Variants in KIAA1328 observed in about 807,000 individuals in gnomAD.
The protein encoded by KIAA1328 is protein hinderin.
KIAA1328 carries 52 observed loss-of-function variants against 68.1 expected under a neutral mutation model. The observed-to-expected ratio is 0.76, with a 90% CI of 0.61 to 0.96. KIAA1328 has a LOEUF of 0.96. Ranked by LOEUF, KIAA1328 falls within the 40% of genes least tolerant of loss-of-function variation. KIAA1328 has a pLI of 0.00. For synonymous variants in KIAA1328, 232 were observed against 239.4 expected (o/e 0.97, Z 0.28); for missense variants, 641 against 677.6 (o/e 0.95, Z 0.60).
intron 6 of KIAA1328, among the ~76,000 whole-genome samples, chr18:37,029,079 T>C (rs1204073460): frequency 6.6e-6 from 1 of 152,152 alleles, no homozygotes; most frequent in Non-Finnish European, 1.5e-5. Flanking sequence ...TTTGGAATAG[T>C]TTCAGTAGGA....
intron 6 of KIAA1328, 77 bp from the exon 7 acceptor site, chr18:37,066,812 CT>C: frequency 7.6e-7 from 1 of 1,318,500 alleles, no homozygotes; most frequent in Non-Finnish European, 1.0e-6. Context: ...ATATATATCA[CT>C]GATTTCTGAA....
intron 7 of KIAA1328, among the ~76,000 whole-genome samples, chr18:37,072,631 G>A (rs1444848593): frequency 6.6e-6 from 1 of 151,928 alleles, no homozygotes; most frequent in African/African-American, 2.4e-5. Flanking sequence ...ACAATCTTTT[G>A]TTATGGCTCC....
At chr18:37,017,283 A>G (rs1425592549) in intron 6 of KIAA1328, among the ~76,000 whole-genome samples, 5 of 151,972 alleles carry the variant, frequency 3.3e-5, no homozygotes, top group African/African-American at 4.8e-5. Flanking sequence ...AGGTCTTCTG[A>G]TATTATAATA....
chr18:36,931,914 C>T (rs756896265), intron 5 of KIAA1328, among the ~76,000 whole-genome samples: 15 of 151,706 alleles, frequency 9.9e-5, no homozygotes, highest in South Asian at 6.2e-4. Flanking sequence ...AATGATTTTG[C>T]GCATAGAATT....
chr18:37,007,003 A>T (rs990565255), intron 6 of KIAA1328, among the ~76,000 whole-genome samples: 17 of 152,216 alleles, frequency 1.1e-4, no homozygotes, highest in African/African-American at 4.1e-4. Context: ...CATATCATTT[A>T]CTTCATTTAT....
At chr18:37,216,979 G>GTTTTTT (rs1480974787) in intron 9 of KIAA1328, among the ~76,000 whole-genome samples, 5 of 71,052 alleles carry the variant, frequency 7.0e-5, no homozygotes, top group Admixed American at 1.6e-4. Context: ...CTTTTTTTTT[G>GTTTTTT]TTTTTTTTTT....
chr18:37,172,383 T>C (rs2059517543), intron 8 of KIAA1328, among the ~76,000 whole-genome samples: 1 of 152,226 alleles, frequency 6.6e-6, no homozygotes, highest in African/African-American at 2.4e-5. Context: ...AATTACAAAC[T>C]AAACATTGCT....
chr18:36,843,258 T>C (rs567339603), intron 3 of KIAA1328, among the ~76,000 whole-genome samples: 110 of 152,274 alleles, frequency 7.2e-4, no homozygotes, highest in African/African-American at 2.6e-3. Flanking sequence ...CTTATTTTAT[T>C]ATCATCTTCT....
intron 9 of KIAA1328, among the ~76,000 whole-genome samples, chr18:37,190,474 A>C (rs1379878179): frequency 6.6e-6 from 1 of 152,196 alleles, no homozygotes; most frequent in Admixed American, 6.5e-5. Context: ...CTTTCTGGTT[A>C]GGAGTAATGC....
At chr18:37,167,710 G>C (rs2059418931) in intron 8 of KIAA1328, among the ~76,000 whole-genome samples, 1 of 152,078 alleles carries the variant, frequency 6.6e-6, no homozygotes, top group Non-Finnish European at 1.5e-5. Context: ...GGGTCTCGGG[G>C]TTTTTATGGG....
chr18:37,035,900 T>C (rs909049448), intron 6 of KIAA1328, among the ~76,000 whole-genome samples: 4 of 152,228 alleles, frequency 2.6e-5, no homozygotes, highest in African/African-American at 7.2e-5. Context: ...TACTCTTTTT[T>C]TCTCTCTCTC....
At chr18:37,128,343 G>T (rs924009495) in intron 7 of KIAA1328, among the ~76,000 whole-genome samples, 5 of 152,024 alleles carry the variant, frequency 3.3e-5, no homozygotes, top group African/African-American at 7.2e-5. Context: ...GTGTGGTGGT[G>T]CACACCTGTA....
chr18:36,906,010 G>T (rs557274176), intron 5 of KIAA1328, among the ~76,000 whole-genome samples: 1 of 152,180 alleles, frequency 6.6e-6, no homozygotes, highest in Admixed American at 6.5e-5. Flanking sequence ...ATATTTACAT[G>T]GGAAACAACT....
chr18:36,968,404 AAAT>A (rs2052032224), intron 6 of KIAA1328, among the ~76,000 whole-genome samples: 1 of 152,182 alleles, frequency 6.6e-6, no homozygotes, highest in Non-Finnish European at 1.5e-5. Flanking sequence ...CGTAGGCTAA[AAAT>A]AAAGGGATGG....
At position 36,844,342 on chromosome 18, in the gene KIAA1328, A is replaced by G. The variant is rs766777762; in HGVS notation, c.332+40A>G. The G allele has an allele frequency of 2.3e-6, 3 of 1,320,492 alleles. No individual in the cohort carries two copies. The South Asian group carries it at 4.2e-5, about 18-fold the overall frequency. The allele number at this position is 1,320,492 out of a possible 1,614,324, so 81.8% of individuals were successfully genotyped here. ...TATATGAAATGATTTATTATACAAA[A>G]GACAACTCTTATTGAAAACAGAAAA... is the stretch of plus-strand genomic sequence containing the variant. On this transcript the variant is annotated intron_variant, in intron 4 of 9. Coordinates refer to ENST00000280020, the MANE Select transcript of KIAA1328 (RefSeq NM_020776.3).
chr18:37,220,787 C>T (rs2060543987), intron 9 of KIAA1328, among the ~76,000 whole-genome samples: 2 of 152,128 alleles, frequency 1.3e-5, no homozygotes, highest in Admixed American at 6.5e-5. Context: ...CCCCTTAGGG[C>T]CCTATGTGGT....
At chr18:37,009,867 G>A (rs2053911977) in intron 6 of KIAA1328, among the ~76,000 whole-genome samples, 1 of 152,120 alleles carries the variant, frequency 6.6e-6, no homozygotes, top group Admixed American at 6.6e-5. Context: ...GAAAATACCT[G>A]TACCTAATTT....
chr18:37,186,801 T>C (rs1404005875), intron 9 of KIAA1328, among the ~76,000 whole-genome samples: 1 of 152,180 alleles, frequency 6.6e-6, no homozygotes, highest in East Asian at 1.9e-4. Context: ...ACATTTCCTA[T>C]TTGCTTATTA....
chr18:37,179,693 C>T (rs1307870025), intron 9 of KIAA1328, among the ~76,000 whole-genome samples: 1 of 152,154 alleles, frequency 6.6e-6, no homozygotes, highest in African/African-American at 2.4e-5. Context: ...AATCTTCTCT[C>T]TGTTGTGAAT....
Sources: allele counts gnomAD v4.1 joint callset (sites outside exome capture counted in the v4.1 genomes callset), GRCh38; gene constraint gnomAD v4.1.1; transcripts MANE v1.5; gene names NCBI Gene and HGNC (gene_info 2026-07-23, HGNC 2026-07-21).